Variants in MYCBP2 observed in about 807,000 individuals in gnomAD.
MYCBP2 encodes the protein MYC binding protein 2.
A neutral mutation model predicts 525.3 loss-of-function variants in MYCBP2; 120 were observed. The ratio of observed to expected loss-of-function variants is 0.23; its 90% CI spans 0.20 to 0.27. The LOEUF (loss-of-function observed/expected upper bound fraction) is 0.27. MYCBP2 is among the 10% of genes least tolerant of loss of function. The pLI is 1.00. For synonymous variants in MYCBP2, 1,894 were observed against 1,955.8 expected (o/e 0.97, Z 0.83); for missense variants, 4,149 against 5,657.1 (o/e 0.73, Z 8.55).
intron 21 of MYCBP2, 27 bp from the exon 22 acceptor site, chr13:77,212,187 C>T: frequency 1.3e-6 from 2 of 1,595,154 alleles, no homozygotes; most frequent in East Asian, 2.2e-5. Flanking sequence ...ACCATATTAG[C>T]AATATTGCTG....
At chr13:77,129,232 TG>T in intron 52 of MYCBP2, 1 of 397,712 alleles carries the variant, frequency 2.5e-6, no homozygotes, top group Non-Finnish European at 4.4e-6. Flanking sequence ...AAAGATATTC[TG>T]AGCAACAAAG....
At chr13:77,210,182 G>C (rs1004497802) in intron 23 of MYCBP2, among the ~76,000 whole-genome samples, 5 of 151,310 alleles carry the variant, frequency 3.3e-5, no homozygotes, top group Non-Finnish European at 7.4e-5. Context: ...TGTATATAAA[G>C]CACCACAATA....
chr13:77,271,797 G>C (rs1054322849), intron 5 of MYCBP2, among the ~76,000 whole-genome samples: 6 of 152,128 alleles, frequency 3.9e-5, no homozygotes, highest in African/African-American at 1.4e-4. Context: ...GCCCAGTCTC[G>C]GGTACATCTC....
chr13:77,243,779 T>G (rs368842824), intron 16 of MYCBP2, 27 bp downstream of exon 16: 1 of 1,606,930 alleles, frequency 6.2e-7, no homozygotes, highest in Non-Finnish European at 8.5e-7. Context: ...CAACTCAGTG[T>G]AGCATAGTAT....
intron 69 of MYCBP2, among the ~76,000 whole-genome samples, chr13:77,070,286 T>C (rs556199174): frequency 1.2e-4 from 18 of 152,314 alleles, no homozygotes; most frequent in African/African-American, 4.3e-4. Flanking sequence ...CCTTCATAAA[T>C]TTTTCAAAAT....
intron 55 of MYCBP2, among the ~76,000 whole-genome samples, chr13:77,108,705 AT>A (rs756968110): frequency 0.03 from 4,269 of 142,368 alleles, 181 homozygotes; most frequent in African/African-American, 0.095. Flanking sequence ...AAGATACTTT[AT>A]TTTTTTTTTT....
In MYCBP2 at chr13:77,058,189, A is replaced by G; in HGVS notation, c.13329+29T>C. On this transcript the variant is annotated intron_variant, in intron 78 of 82. Coordinates refer to ENST00000544440, the MANE Select transcript of MYCBP2 (RefSeq NM_015057.5). This position sits in a 1 kb window ranked among gnomAD's most constrained non-coding sequence, Gnocchi z 4.1. ...ATATTCCCCATCTTAATGTCTGGAT[A>G]CATTCAATACTTTAAAAGCTGAGGC... 1 of 1,604,898 alleles carries G rather than the reference A, an allele frequency of 6.2e-7. No individual in the cohort carries two copies. The highest frequency in any genetic ancestry group is 8.5e-7 in the Non-Finnish European group (1 of 1,174,144).
chr13:77,067,198 TTTAAAAAGAAATG>T, intron 71 of MYCBP2, among the ~76,000 whole-genome samples: 1 of 152,308 alleles, frequency 6.6e-6, no homozygotes. Context: ...CCAGTACAGT[TTTAAAAAGAAATG>T]TACATAAAGC....
intron 49 of MYCBP2, among the ~76,000 whole-genome samples, chr13:77,141,941 A>G (rs2054717434): frequency 6.6e-6 from 1 of 152,174 alleles, no homozygotes; most frequent in Non-Finnish European, 1.5e-5. Context: ...TAGGAAGAAG[A>G]GCAGGGAAGT....
intron 55 of MYCBP2, among the ~76,000 whole-genome samples, chr13:77,117,901 A>G (rs1305327448): frequency 6.6e-6 from 1 of 152,226 alleles, no homozygotes; most frequent in Non-Finnish European, 1.5e-5. Flanking sequence ...AACAACAAAA[A>G]AATAAAAATA....
Position 77,081,684 on chromosome 13 carries a change from T to C in MYCBP2, c.11194-33A>G. The C allele has an allele frequency of 6.4e-7, 1 of 1,561,156 alleles. No individual in the cohort carries two copies. The highest frequency in any genetic ancestry group is 1.2e-5 in the South Asian group (1 of 83,040). On this transcript the variant is annotated intron_variant, in intron 64 of 82. Transcript: ENST00000544440. This position sits in a 1 kb window ranked among gnomAD's most constrained non-coding sequence, Gnocchi z 4.6. ...AAACAAATATAAGTACTTATGATACTTAAAAGCAAATCTTTCGTGATGATA... is the reference window on the plus strand; with the variant it reads ...AAACAAATATAAGTACTTATGATACCTAAAAGCAAATCTTTCGTGATGATA...
At chr13:77,049,721 C>T (rs1402053240) in intron 82 of MYCBP2, among the ~76,000 whole-genome samples, 2 of 152,056 alleles carry the variant, frequency 1.3e-5, no homozygotes, top group Admixed American at 6.6e-5. Flanking sequence ...CTGCAACCTC[C>T]GCCTCTCAGG....
rs189217091 is a variant in MYCBP2, at chr13:77,299,461, G to A, written c.303-2787C>T. Among the ~76,000 whole-genome samples, 215 of 152,106 alleles carry A rather than the reference G, an allele frequency of 1.4e-3. 1 individual carries two copies. Among genetic ancestry groups the A allele is most frequent in the Admixed American group, 0.011 (174 of 15,276 alleles). On this transcript the variant is annotated intron_variant, in intron 1 of 82. Coordinates refer to ENST00000544440, the MANE Select transcript of MYCBP2 (RefSeq NM_015057.5). ...TGTTTTTTGTTGTTGTTGTTGATTT[G>A]GTTTGCAGAGGAAGAGGTAGAAGTT...
intron 57 of MYCBP2, 45 bp downstream of exon 57, chr13:77,096,267 T>C (rs1555329021): frequency 1.3e-6 from 2 of 1,575,208 alleles, no homozygotes; most frequent in Non-Finnish European, 1.7e-6. Context: ...TTTTATACAG[T>C]GTATCCATAT....
chr13:77,166,314 A>G lies in MYCBP2; in HGVS notation c.6340+15T>C, dbSNP rs367871922. 6.4e-4 allele frequency: 884 copies of G among 1,377,788 alleles called. 4 individuals carry two copies. The highest frequency in any genetic ancestry group is 5.7e-4 in the Middle Eastern group (3 of 5,224). The allele number at this position is 1,377,788 out of a possible 1,614,324, so 85.3% of individuals were successfully genotyped here. A position where few individuals can be genotyped will look rare whatever the true frequency, so the allele number is the denominator to read the frequency against. On this transcript the variant is annotated intron_variant, in intron 41 of 82. Coordinates refer to ENST00000544440, the MANE Select transcript of MYCBP2 (RefSeq NM_015057.5). ...CTTATTTTACCACATAAAACAGAAG[A>G]AAAAAAAAACTTACCTGGCAACACC...
intron 21 of MYCBP2, among the ~76,000 whole-genome samples, chr13:77,214,953 G>GTA (rs2064603915): frequency 6.6e-6 from 1 of 151,662 alleles, no homozygotes; most frequent in African/African-American, 2.4e-5. Flanking sequence ...ACATATATAG[G>GTA]TATATATATA....
At chr13:77,049,926 C>T (rs1436007747) in intron 82 of MYCBP2, among the ~76,000 whole-genome samples, 1 of 152,066 alleles carries the variant, frequency 6.6e-6, no homozygotes, top group African/African-American at 2.4e-5. Context: ...GTCAGTCACA[C>T]CACTTGGCCT....
chr13:77,223,917 A>C (rs201150887), intron 20 of MYCBP2, among the ~76,000 whole-genome samples: 10,370 of 152,202 alleles, frequency 0.068, 562 homozygotes, highest in African/African-American at 0.14. Flanking sequence ...TAAAACTAAA[A>C]CAAATGAAGT....
chr13:77,146,547 G>A (rs73239500), intron 47 of MYCBP2, among the ~76,000 whole-genome samples: 3,053 of 152,006 alleles, frequency 0.02, 56 homozygotes, highest in Middle Eastern at 0.068. Flanking sequence ...TTTGTAACTC[G>A]TATAACCCAA....
Sources: allele counts gnomAD v4.1 joint callset (sites outside exome capture counted in the v4.1 genomes callset), GRCh38; gene constraint gnomAD v4.1.1; non-coding constraint Gnocchi (gnomAD v3.1); transcripts MANE v1.5; gene names NCBI Gene and HGNC (gene_info 2026-07-23, HGNC 2026-07-21).